VPS36: variants seen among roughly 807,000 people sequenced by gnomAD.
The protein encoded by VPS36 is vacuolar protein sorting 36 homolog, also known as vacuolar protein-sorting-associated protein 36.
In VPS36, 31 loss-of-function variants were observed where a neutral mutation model predicts 63.5. The ratio of observed to expected loss-of-function variants is 0.49; its 90% confidence interval spans 0.37 to 0.66. The LOEUF (loss-of-function observed/expected upper bound fraction) is 0.66. VPS36 is among the 30% of genes least tolerant of loss of function. VPS36 has a pLI of 0.00. For synonymous variants in VPS36, 138 were observed against 157.2 expected, an observed-to-expected ratio of 0.88 and a Z score of 0.91; for missense variants, 338 against 463.7, an observed-to-expected ratio of 0.73 and a Z score of 2.49.
At chr13:52,420,466 G>C (rs1958035221) in intron 10 of VPS36, among the ~76,000 whole-genome samples, 3 of 151,694 alleles carry the variant, frequency 2.0e-5, no homozygotes, top group African/African-American at 7.3e-5. Context: ...CCAAGTAGCT[G>C]GGATTACAGG....
intron 1 of VPS36, 67 bp downstream of exon 1, chr13:52,450,432 A>AGCCGGGCCGCGCGCC: frequency 6.7e-7 from 1 of 1,490,610 alleles, no homozygotes; most frequent in Non-Finnish European, 9.0e-7. Context: ...GGCCGCGCTG[A>AGCCGGGCCGCGCGCC]GCCGGGCCGC....
chr13:52,414,301 G>A lies in VPS36; in HGVS notation c.*1529C>T, dbSNP rs1957972910. ...GGTCCAACTAACCCCTAAAAGACTTGGGCAGTCAGACACTGAGTTACCCTC... is the reference window on the plus strand; with the variant it reads ...GGTCCAACTAACCCCTAAAAGACTTAGGCAGTCAGACACTGAGTTACCCTC... On this transcript the variant is annotated 3_prime_UTR_variant, in exon 14 of 14. Transcript: ENST00000378060. The A allele has an allele frequency of 6.6e-6, 1 of 152,074 alleles. No individual in the cohort carries two copies. Among genetic ancestry groups the A allele is most frequent in the Non-Finnish European group, 1.5e-5 (1 of 68,056 alleles). 9.4% of individuals were successfully genotyped at this position (152,074 alleles called of 1,614,324 possible).
At chr13:52,443,239 T>A (rs1304569938) in intron 1 of VPS36, among the ~76,000 whole-genome samples, 2 of 152,138 alleles carry the variant, frequency 1.3e-5, no homozygotes, top group Non-Finnish European at 2.9e-5. Context: ...AGATAATTTT[T>A]AAAATAATCT....
intron 2 of VPS36, among the ~76,000 whole-genome samples, chr13:52,440,010 G>A (rs1461399117): frequency 1.6e-4 from 23 of 147,992 alleles, no homozygotes; most frequent in Admixed American, 1.4e-3. Context: ...ATGGAGTCTC[G>A]CTCTGTTGCC....
intron 5 of VPS36, among the ~76,000 whole-genome samples, chr13:52,434,358 A>AT (rs150153968): frequency 0.056 from 8,479 of 150,642 alleles, 254 homozygotes; most frequent in South Asian, 0.085. Flanking sequence ...TGTGAAAATA[A>AT]TTTTTTTTTT....
intron 11 of VPS36, 150 bp downstream of exon 11, chr13:52,417,842 A>G (rs1403960624): frequency 3.3e-6 from 2 of 605,544 alleles, no homozygotes; most frequent in East Asian, 2.9e-5. Flanking sequence ...CTGTTAGGAC[A>G]TGCCCAGCCC....
chr13:52,442,760 T>TAATGCATGCCTTA (rs1958294335), intron 1 of VPS36, among the ~76,000 whole-genome samples: 1 of 152,142 alleles, frequency 6.6e-6, no homozygotes, highest in African/African-American at 2.4e-5. Flanking sequence ...AGACATTGGA[T>TAATGCATGCCTTA]GAGTGGGAAA....
rs182914237 is a variant in VPS36, at chr13:52,447,353, G to A, written c.96+3146C>T. ...AGGGTAAATTCCTAAAAGTGAGTTA[G>A]CTGAAAAAGAATAAACAATTTTCTA... On this transcript the variant is annotated intron_variant, in intron 1 of 13. Transcript: ENST00000378060. Among the ~76,000 whole-genome samples, 224 of 152,212 alleles carry A rather than the reference G, an allele frequency of 1.5e-3. 2 individuals carry two copies. The highest frequency in any genetic ancestry group is 2.7e-3 in the Admixed American group (42 of 15,294).
chr13:52,417,053 A>C lies in VPS36; in HGVS notation c.990+4T>G. On this transcript the variant is annotated splice_donor_region_variant and intron_variant, in intron 12 of 13. Coordinates refer to ENST00000378060, the MANE Select transcript of VPS36 (RefSeq NM_016075.4). ...AAAGACTGGAGAAAATCGGCTTCAC[A>C]TACTGTCTCCAGGGCCGAGGCCACC... 1 of 1,613,414 alleles carries C rather than the reference A, an allele frequency of 6.2e-7. No homozygotes were observed. The highest frequency in any genetic ancestry group is 1.7e-4 in the Middle Eastern group (1 of 6,058).
At position 52,418,968 on chromosome 13, in the gene VPS36, A is replaced by G. The variant is rs117387331; in HGVS notation, c.841-912T>C. Among the ~76,000 whole-genome samples, 898 of 152,324 alleles carry G rather than the reference A, an allele frequency of 5.9e-3. 9 individuals are homozygous for G. The highest frequency in any genetic ancestry group is 6.4e-3 in the Non-Finnish European group (436 of 68,020). The stretch of plus-strand genomic sequence containing the variant: ...ACTGTCTCTGGCTGTGGCCTTGCTC[A>G]AGTTATTTCATCTTTCTAAGTTTCA... On this transcript the variant is annotated intron_variant, in intron 10 of 13. Transcript: ENST00000378060.
chr13:52,432,110 T>C (rs1156498480), intron 6 of VPS36, among the ~76,000 whole-genome samples: 28 of 152,156 alleles, frequency 1.8e-4, no homozygotes, highest in Non-Finnish European at 2.9e-5. Flanking sequence ...CCCATCACTT[T>C]GAGAGGCCGC....
chr13:52,430,664 A>C (rs1958145846), intron 6 of VPS36, among the ~76,000 whole-genome samples: 1 of 151,980 alleles, frequency 6.6e-6, no homozygotes, highest in African/African-American at 2.4e-5. Context: ...AATGCAGAAA[A>C]ATTTCCCTGA....
chr13:52,442,622 T>C (rs1359458101), intron 1 of VPS36, among the ~76,000 whole-genome samples, 177 bp from the exon 2 acceptor site: 2 of 152,228 alleles, frequency 1.3e-5, no homozygotes, highest in African/African-American at 4.8e-5. Flanking sequence ...GCTATTTGTA[T>C]AGTCTTGACA....
intron 8 of VPS36, 64 bp from the exon 9 acceptor site, chr13:52,426,130 T>C (rs1473874989): frequency 6.3e-6 from 10 of 1,580,058 alleles, no homozygotes; most frequent in Middle Eastern, 1.8e-4. Context: ...AATTCTTCCA[T>C]CACAAATTCA....
chr13:52,434,335 C>G (rs1431079547), intron 5 of VPS36, among the ~76,000 whole-genome samples: 5 of 152,160 alleles, frequency 3.3e-5, no homozygotes, highest in Admixed American at 3.3e-4. Flanking sequence ...ATAGACAGCA[C>G]TAAATTAGGT....
At chr13:52,450,029 C>G (rs1461183789) in intron 1 of VPS36, 2 of 986,994 alleles carry the variant, frequency 2.0e-6, no homozygotes, top group Non-Finnish European at 1.2e-6. Flanking sequence ...TCCGCTGGGG[C>G]ACGGACTGTA....
chr13:52,427,300 TCCCCA>T, intron 6 of VPS36, 81 bp from the exon 7 acceptor site: 1 of 1,521,968 alleles, frequency 6.6e-7, no homozygotes, highest in Non-Finnish European at 9.0e-7. Flanking sequence ...CTCTATTTTT[TCCCCA>T]TAAAAATTTG....
chr13:52,450,116 G>A, intron 1 of VPS36: 3 of 993,542 alleles, frequency 3.0e-6, no homozygotes, highest in Non-Finnish European at 3.6e-6. Context: ...TCGTCAGGGG[G>A]TCTGGAACCA....
At chr13:52,429,344 C>A in intron 6 of VPS36, 1 of 965,156 alleles carries the variant, frequency 1.0e-6, no homozygotes, top group Non-Finnish European at 1.2e-6. Flanking sequence ...TTCCTGGGTT[C>A]TTCTTATCCA....
Sources: allele counts gnomAD v4.1 joint callset (sites outside exome capture counted in the v4.1 genomes callset), GRCh38; gene constraint gnomAD v4.1.1; transcripts MANE v1.5; gene names NCBI Gene and HGNC (gene_info 2026-07-23, HGNC 2026-07-21).